PRRG1: variants seen among roughly 807,000 people sequenced by gnomAD.
PRRG1 encodes proline rich and Gla domain 1.
Under a neutral mutation model 11.8 loss-of-function variants are expected in PRRG1, and 5 were observed. The observed-to-expected ratio is 0.42, with a 90% CI of 0.22 to 0.89. The LOEUF is 0.89. Among genes scored for constraint, PRRG1 ranks in the 40% least tolerant of loss-of-function variants. PRRG1 has a pLI of 0.28. For missense variants in PRRG1, 155 were observed against 166.1 expected (o/e 0.93, Z 0.37); for synonymous variants, 66 against 60.4 (o/e 1.09, Z -0.43).
chrX:37,374,932 A>G (rs1930888642), intron 1 of PRRG1, among the ~76,000 whole-genome samples: 5 of 111,276 alleles, frequency 4.5e-5, no homozygotes, highest in Admixed American at 2.9e-4. Flanking sequence ...ACTGAGGTGA[A>G]TAGACCTTTA....
intron 2 of PRRG1, among the ~76,000 whole-genome samples, chrX:37,421,864 G>C (rs999554826): frequency 1.3e-4 from 14 of 111,838 alleles, no homozygotes; most frequent in African/African-American, 4.6e-4. Context: ...ATCTATAATA[G>C]TATCTTTCCT....
At chrX:37,388,620 C>T (rs1931415477) in intron 1 of PRRG1, among the ~76,000 whole-genome samples, 1 of 113,265 alleles carries the variant, frequency 8.8e-6, no homozygotes. Flanking sequence ...GAGCAGTGTC[C>T]CCCGGCTGCA....
intron 1 of PRRG1, among the ~76,000 whole-genome samples, chrX:37,400,745 A>G (rs1249812753): frequency 8.9e-6 from 1 of 111,770 alleles, no homozygotes; most frequent in Non-Finnish European, 1.9e-5. Context: ...AGCAAGACTA[A>G]TAAAGAAGAA....
At chrX:37,426,961 ATC>A (rs782027913) in intron 3 of PRRG1, among the ~76,000 whole-genome samples, 12 of 111,985 alleles carry the variant, frequency 1.1e-4, no homozygotes, top group Non-Finnish European at 2.1e-4. Flanking sequence ...ATTTTGGTAT[ATC>A]TCATTCTGGC....
chrX:37,421,352 C>A (rs1415705744), intron 2 of PRRG1, among the ~76,000 whole-genome samples: 2 of 111,615 alleles, frequency 1.8e-5, no homozygotes, highest in South Asian at 3.7e-4. Context: ...TAAATAACAC[C>A]TCAGTATTGT....
chrX:37,418,852 C>A (rs1932576767), intron 2 of PRRG1, among the ~76,000 whole-genome samples: 3 of 111,813 alleles, frequency 2.7e-5, no homozygotes, highest in Non-Finnish European at 5.6e-5. Flanking sequence ...TCAGCCCACC[C>A]TGCCCCTTTT....
chrX:37,436,052 C>A (rs1391189255), intron 3 of PRRG1, among the ~76,000 whole-genome samples: 6 of 111,900 alleles, frequency 5.4e-5, no homozygotes, highest in African/African-American at 2.0e-4. Context: ...AATGCACAGT[C>A]CAGGGGTCAC....
intron 1 of PRRG1, among the ~76,000 whole-genome samples, chrX:37,396,770 TG>T (rs1377618231): frequency 8.9e-6 from 1 of 111,987 alleles, no homozygotes; most frequent in Non-Finnish European, 1.9e-5. Flanking sequence ...GTCTCTCGTT[TG>T]CCAATTTTTT....
Position 37,399,294 on chromosome X carries a change from T to C in PRRG1, c.-41-6915T>C, listed in dbSNP as rs1392199818. Among the ~76,000 whole-genome samples, 9 of 111,377 alleles carry C rather than the reference T, an allele frequency of 8.1e-5. No homozygotes were observed. The East Asian group carries it at 2.3e-3, about 28-fold the overall frequency. On this transcript the variant is annotated intron_variant, in intron 1 of 3. Transcript: ENST00000378628. ...TAACAGCTGATCTCTTGGCAGAAACTCTACAAGCCAGAAGAGAGTGGGGGC... is the reference window on the plus strand; with the variant it reads ...TAACAGCTGATCTCTTGGCAGAAACCCTACAAGCCAGAAGAGAGTGGGGGC...
intron 3 of PRRG1, among the ~76,000 whole-genome samples, chrX:37,436,973 C>T (rs1556392166): frequency 8.9e-6 from 1 of 112,258 alleles, no homozygotes; most frequent in Non-Finnish European, 1.9e-5. Flanking sequence ...TCTTTTGGAA[C>T]CTCTTGAAAA....
At chrX:37,444,790 A>G (rs1556394740) in intron 3 of PRRG1, among the ~76,000 whole-genome samples, 2 of 111,738 alleles carry the variant, frequency 1.8e-5, no homozygotes. Context: ...AGGAGGGTAC[A>G]TGGCTGTTTT....
rs1049153695 is a variant in PRRG1, at chrX:37,349,407, G to T, written c.-42+12G>T. On this transcript the variant is annotated intron_variant, in intron 1 of 3. Coordinates refer to ENST00000378628, the MANE Select transcript of PRRG1 (RefSeq NM_001142395.2). Reference sequence around the variant, plus strand: ...GAGCGGGACCCGCTGTGAGTGTGGCGGCCGCGCTGGGTTCCTAGCTGGGGA... The same window carrying T: ...GAGCGGGACCCGCTGTGAGTGTGGCTGCCGCGCTGGGTTCCTAGCTGGGGA... The T allele has an allele frequency of 2.7e-5, 3 of 112,723 alleles. No individual in the cohort carries two copies. The highest frequency in any genetic ancestry group is 9.7e-5 in the African/African-American group (3 of 31,000). 9.3% of individuals were successfully genotyped at this position (112,723 alleles called of 1,213,427 possible). A position where few individuals can be genotyped will look rare whatever the true frequency, so the allele number is the denominator to read the frequency against.
intron 1 of PRRG1, among the ~76,000 whole-genome samples, chrX:37,364,748 T>C (rs1377367074): frequency 8.9e-6 from 1 of 112,279 alleles, no homozygotes; most frequent in Non-Finnish European, 1.9e-5. Context: ...TCTTGTGCTG[T>C]AGTTACTGGA....
intron 1 of PRRG1, among the ~76,000 whole-genome samples, chrX:37,358,012 T>C (rs1930294391): frequency 8.9e-6 from 1 of 112,173 alleles, no homozygotes; most frequent in Non-Finnish European, 1.9e-5. Flanking sequence ...ATGTTGGGCT[T>C]TCCATATGTT....
At chrX:37,376,569 A>ATATATATATATATATATATATATATATG (rs1324925971) in intron 1 of PRRG1, among the ~76,000 whole-genome samples, 2 of 81,415 alleles carry the variant, frequency 2.5e-5, no homozygotes, top group Admixed American at 1.5e-4. Context: ...ATATATATAT[A>ATATATATATATATATATATATATATATG]TATGTGCTGA....
chrX:37,360,366 A>G (rs1158581988), intron 1 of PRRG1, among the ~76,000 whole-genome samples: 3 of 112,078 alleles, frequency 2.7e-5, no homozygotes, highest in African/African-American at 9.7e-5. Context: ...ACTTAGTTCA[A>G]AATATGTTTT....
intron 1 of PRRG1, among the ~76,000 whole-genome samples, chrX:37,389,044 A>T (rs1436205155): frequency 1.8e-5 from 2 of 111,986 alleles, no homozygotes; most frequent in African/African-American, 6.5e-5. Flanking sequence ...TCAAAGTTCC[A>T]CAGATCCCTA....
At chrX:37,426,438 C>T (rs1284174785) in intron 3 of PRRG1, among the ~76,000 whole-genome samples, 5 of 111,897 alleles carry the variant, frequency 4.5e-5, no homozygotes, top group Non-Finnish European at 9.4e-5. Flanking sequence ...CTCCTCTTTA[C>T]TTCTCTTTAC....
intron 1 of PRRG1, among the ~76,000 whole-genome samples, chrX:37,386,940 A>G (rs1208498888): frequency 5.3e-5 from 6 of 112,193 alleles, no homozygotes; most frequent in African/African-American, 1.9e-4. Context: ...GATGATATTA[A>G]AGATACGAGT....
Sources: allele counts gnomAD v4.1 joint callset (sites outside exome capture counted in the v4.1 genomes callset), GRCh38; gene constraint gnomAD v4.1.1; transcripts MANE v1.5; gene names NCBI Gene and HGNC (gene_info 2026-07-23, HGNC 2026-07-21).